EML1: variants seen among roughly 807,000 people sequenced by gnomAD.
The protein encoded by EML1 is echinoderm microtubule-associated protein-like 1.
EML1 carries 27 observed loss-of-function variants against 110.4 expected under a neutral mutation model. The ratio of observed to expected loss-of-function variants is 0.24; its 90% CI spans 0.18 to 0.34. The LOEUF (loss-of-function observed/expected upper bound fraction) is 0.34. Among genes scored for constraint, EML1 ranks in the 10% least tolerant of loss-of-function variants. The pLI, the probability that EML1 is intolerant of heterozygous loss-of-function variation, is 1.00. For missense variants in EML1, 741 were observed against 1,030.9 expected, an observed-to-expected ratio of 0.72 and a Z score of 3.85; for synonymous variants, 344 against 385.8, an observed-to-expected ratio of 0.89 and a Z score of 1.27.
At chr14:99,780,034 G>A (rs534253748) in intron 1 of EML1, among the ~76,000 whole-genome samples, 2 of 152,094 alleles carry the variant, frequency 1.3e-5, no homozygotes, top group African/African-American at 2.4e-5. Context: ...GTTGGTTCCT[G>A]GTGAGGGCTC....
At chr14:99,881,802 C>T (rs1403619818) in intron 4 of EML1, among the ~76,000 whole-genome samples, 2 of 151,976 alleles carry the variant, frequency 1.3e-5, no homozygotes, top group East Asian at 1.9e-4. Flanking sequence ...GGTTTCACCA[C>T]ATTGGCCAGG....
intron 1 of EML1, among the ~76,000 whole-genome samples, chr14:99,774,769 C>A (rs1268134733): frequency 6.6e-6 from 1 of 152,102 alleles, no homozygotes; most frequent in Non-Finnish European, 1.5e-5. Flanking sequence ...TGTGTGAAGC[C>A]TTGAGTAGGG....
chr14:99,921,457 G>C (rs1487849241), intron 17 of EML1, among the ~76,000 whole-genome samples: 1 of 152,166 alleles, frequency 6.6e-6, no homozygotes, highest in Non-Finnish European at 1.5e-5. Flanking sequence ...ATTTAAATTA[G>C]ACATGCACAT....
intron 2 of EML1, among the ~76,000 whole-genome samples, chr14:99,852,412 C>T (rs531773786): frequency 2.0e-5 from 3 of 152,306 alleles, no homozygotes; most frequent in East Asian, 1.9e-4. Flanking sequence ...CCCAGGAGTT[C>T]AAGACCCATC....
intron 17 of EML1, among the ~76,000 whole-genome samples, chr14:99,923,640 C>CAATGA (rs1595488252): frequency 7.5e-3 from 111 of 14,836 alleles, no homozygotes; most frequent in African/African-American, 0.027. Context: ...TCAGTTCTGC[C>CAATGA]CCCTTCACCT....
intron 9 of EML1, among the ~76,000 whole-genome samples, chr14:99,901,759 T>C (rs2059767735): frequency 6.6e-6 from 1 of 152,176 alleles, no homozygotes; most frequent in Non-Finnish European, 1.5e-5. Flanking sequence ...CCGGCTTCTT[T>C]ACTGCAAGCG....
intron 1 of EML1, among the ~76,000 whole-genome samples, chr14:99,842,190 A>G (rs1225885417): frequency 3.9e-5 from 6 of 152,240 alleles, no homozygotes; most frequent in Admixed American, 3.9e-4. Flanking sequence ...CTTTGATGAA[A>G]TTCAGATGAA....
Position 99,919,482 on chromosome 14 carries a change from C to T in EML1, c.1821-1307C>T, listed in dbSNP as rs2060095028. Among the ~76,000 whole-genome samples the T allele has an allele frequency of 2.0e-5, 3 of 149,788 alleles. No homozygotes were observed. In the South Asian group the frequency reaches 6.3e-4, roughly 32 times the overall value. On this transcript the variant is annotated intron_variant, in intron 16 of 21. Transcript: ENST00000262233. ...CACACACTCCACCTCCCATTTGACT[C>T]TCTTTGAGACAGGTAAACCTTCTAA...
chr14:99,813,659 A>T lies in EML1; in HGVS notation c.67+20116A>T, dbSNP rs148592915. 9.0e-3 allele frequency among the ~76,000 whole-genome samples: 1,369 copies of T among 152,250 alleles called. 14 individuals are homozygous for T. Among genetic ancestry groups the T allele is most frequent in the African/African-American group, 0.031 (1,306 of 41,536 alleles). The stretch of plus-strand genomic sequence containing the variant: ...GAAGATAGTTGCTGCAGTGAGCTAC[A>T]ATCATGCCACAGCTCTCCAGCCTGG... On this transcript the variant is annotated intron_variant, in intron 1 of 21. Coordinates refer to ENST00000262233, the MANE Select transcript of EML1 (RefSeq NM_004434.3).
rs115715277 is a variant in EML1, at chr14:99,740,100, A to T, written c.28+2240A>T. ...TTATAGCTCTTATTATTTCACCAATACATAAGCAACCTAGAGAGGGAGATG... is the reference window on the plus strand; with the variant it reads ...TTATAGCTCTTATTATTTCACCAATTCATAAGCAACCTAGAGAGGGAGATG... On this transcript the variant is annotated intron_variant, in intron 1 of 10. Coordinates refer to the EML1 transcript ENST00000554479. Among the ~76,000 whole-genome samples the T allele has an allele frequency of 4.1e-3, 631 of 152,326 alleles. 5 individuals are homozygous for T. Among genetic ancestry groups the T allele is most frequent in the African/African-American group, 0.015 (610 of 41,560 alleles).
At chr14:99,865,724 A>G in intron 3 of EML1, 78 bp downstream of exon 3, 1 of 1,505,098 alleles carries the variant, frequency 6.6e-7, no homozygotes, top group Non-Finnish European at 8.9e-7. Context: ...TACTTTTTAA[A>G]ATGACATTGT....
chr14:99,936,275 A>T lies in EML1; in HGVS notation c.2036A>T (p.Asp679Val). 1 of 1,614,086 alleles carries T rather than the reference A, an allele frequency of 6.2e-7. No individual in the cohort carries two copies. The highest frequency in any genetic ancestry group is 8.5e-7 in the Non-Finnish European group (1 of 1,180,030). The change falls in exon 19 of 22, where the codon GAC (aspartate) becomes GTC (valine). Residue 679 changes from aspartate (D) to valine (V), a missense_variant. Around this residue, in one of 4 missense-constraint regions of EML1, gnomAD observed 388 missense variants for 605.6 expected, o/e 0.64. Coordinates refer to ENST00000262233, the MANE Select transcript of EML1 (RefSeq NM_004434.3). This position sits in a 1 kb window ranked among gnomAD's most constrained non-coding sequence, Gnocchi z 5.5. ...CATTCCAGCTTCATTACTCACCTGGACTGGTCTGTAAACTCACAGTTCCTC... is the reference window on the plus strand; with the variant it reads ...CATTCCAGCTTCATTACTCACCTGGTCTGGTCTGTAAACTCACAGTTCCTC... ...SGHSSFITHL[D>V]WSVNSQFLVS...
At chr14:99,789,593 T>C (rs2057639109), upstream of EML1, among the ~76,000 whole-genome samples, 1 of 152,218 alleles carries the variant, frequency 6.6e-6, no homozygotes, top group African/African-American at 2.4e-5. Flanking sequence ...GTGTTCTATG[T>C]GCTACATTCC....
At chr14:99,835,543 G>T (rs2058526262) in intron 1 of EML1, among the ~76,000 whole-genome samples, 2 of 152,092 alleles carry the variant, frequency 1.3e-5, no homozygotes, top group African/African-American at 2.4e-5. Context: ...TGGATGCTGA[G>T]ATCATTCCTT....
rs371106331 is a variant in EML1, at chr14:99,865,593, T to G, written c.330T>G (p.Ser110=). 1 of 1,614,246 alleles carries G rather than the reference T, an allele frequency of 6.2e-7. No individual in the cohort carries two copies. The change falls in exon 3 of 22, where the codon TCT becomes TCG. Residue 110 remains serine (S), a synonymous_variant. Transcript: ENST00000262233. ...TGTTACCAAAGAAACCTACTGGCTC[T>G]CTACCATCCCCCTCCGGGGTCAGGA... The part of the protein sequence containing the change: ...GTVLPKKPTG[S]LPSPSGVRKE...
At chr14:99,858,118 G>A (rs914005273) in intron 2 of EML1, among the ~76,000 whole-genome samples, 3 of 151,846 alleles carry the variant, frequency 2.0e-5, no homozygotes, top group Non-Finnish European at 4.4e-5. Flanking sequence ...TCTGAACCTT[G>A]CTCTTTTTAC....
intron 1 of EML1, among the ~76,000 whole-genome samples, chr14:99,777,959 C>T (rs960335407): frequency 2.6e-5 from 4 of 151,972 alleles, no homozygotes; most frequent in African/African-American, 7.2e-5. Context: ...TAATTTTTGC[C>T]ATTTTATTTT....
At chr14:99,850,186 A>G (rs1205053880) in intron 1 of EML1, 4 of 792,468 alleles carry the variant, frequency 5.0e-6, no homozygotes, top group African/African-American at 3.6e-5. Flanking sequence ...CAGTCTGCCT[A>G]CCTCAGCCTC....
chr14:99,937,731 C>T (rs1057394484), intron 19 of EML1, 86 bp from the exon 20 acceptor site: 14 of 1,244,378 alleles, frequency 1.1e-5, no homozygotes, highest in Non-Finnish European at 1.2e-5. Context: ...CTGTACCCAA[C>T]GGGGCACAGC....
Sources: gnomAD v4.1 joint callset for allele counts (sites outside exome capture counted in the v4.1 genomes callset) on GRCh38, gnomAD v4.1.1 for gene constraint, gnomAD v4.1.1 regional missense constraint, Gnocchi (gnomAD v3.1) non-coding constraint, MANE v1.5 for transcripts, NCBI Gene and HGNC (gene_info 2026-07-23, HGNC 2026-07-21) for gene names.